PDLIM1: variants seen among roughly 807,000 people sequenced by gnomAD.
PDLIM1 encodes the protein PDZ and LIM domain protein 1.
Under a neutral mutation model 35.2 loss-of-function variants are expected in PDLIM1, and 25 were observed. The observed-to-expected ratio is 0.71, with a 90% CI of 0.52 to 0.99. The LOEUF is 0.99. Ranked by LOEUF, PDLIM1 falls within the 50% of genes least tolerant of loss-of-function variation. The pLI is 0.00. For missense variants in PDLIM1, 363 were observed against 415.3 expected (o/e 0.87, Z 1.09); for synonymous variants, 152 against 154.0 (o/e 0.99, Z 0.10).
At chr10:95,288,554 GT>G (rs11385391) in intron 1 of PDLIM1, among the ~76,000 whole-genome samples, 1 of 149,074 alleles carries the variant, frequency 6.7e-6, no homozygotes, top group East Asian at 2.0e-4. Flanking sequence ...CACTGCAGAG[GT>G]TTTTTTTTTT....
rs377514992 is a variant in PDLIM1 at position 95,247,318 on chromosome 10, A to T, written c.582T>A (p.Ser194=). ...PPSSLVIDKE[S]EVYKMLQEKQ... The stretch of plus-strand genomic sequence containing the variant: ...TCTCCTGAAGCATCTTGTAAACTTC[A>T]GATTCTTTGTCGATGACAAGGCTGC... The change falls in exon 5 of 7, where the codon TCT becomes TCA. Residue 194 remains serine, a synonymous_variant. Coordinates refer to ENST00000329399, the MANE Select transcript of PDLIM1 (RefSeq NM_020992.4). 1.3e-5 allele frequency: 21 copies of T among 1,613,956 alleles called. No homozygotes were observed. The highest frequency in any genetic ancestry group is 1.6e-5 in the Non-Finnish European group (19 of 1,179,910).
intron 1 of PDLIM1, among the ~76,000 whole-genome samples, chr10:95,276,545 T>C (rs909329468): frequency 3.3e-5 from 5 of 152,222 alleles, no homozygotes. Context: ...TCTTGAATGG[T>C]GGATTCCAAT....
At chr10:95,245,994 C>G (rs534400476) in intron 5 of PDLIM1, among the ~76,000 whole-genome samples, 1 of 152,324 alleles carries the variant, frequency 6.6e-6, no homozygotes, top group East Asian at 1.9e-4. Context: ...CTGGCTGAGG[C>G]AGGTCTCACA....
intron 4 of PDLIM1, among the ~76,000 whole-genome samples, chr10:95,249,213 C>T (rs564165072): frequency 6.6e-6 from 1 of 152,338 alleles, no homozygotes; most frequent in South Asian, 2.1e-4. Flanking sequence ...CTGTGCTCCC[C>T]CTGTTCCTGC....
intron 4 of PDLIM1, among the ~76,000 whole-genome samples, chr10:95,256,206 TAAAC>T (rs2035309514): frequency 6.6e-6 from 1 of 151,996 alleles, no homozygotes; most frequent in Non-Finnish European, 1.5e-5. Flanking sequence ...AATGCACAAA[TAAAC>T]AAAAAGACAT....
At chr10:95,241,855 C>T (rs1032002920) in intron 5 of PDLIM1, among the ~76,000 whole-genome samples, 2 of 152,232 alleles carry the variant, frequency 1.3e-5, no homozygotes, top group Non-Finnish European at 2.9e-5. Context: ...AGCAGAGCCA[C>T]AGCTATCCGG....
chr10:95,276,220 A>AGGCT (rs892382419), intron 1 of PDLIM1, among the ~76,000 whole-genome samples: 2 of 152,180 alleles, frequency 1.3e-5, no homozygotes, highest in African/African-American at 2.4e-5. Flanking sequence ...TGAACTTGAA[A>AGGCT]GGCTCTCTCA....
chr10:95,270,828 G>T (rs1221637294), intron 2 of PDLIM1, among the ~76,000 whole-genome samples: 4 of 151,878 alleles, frequency 2.6e-5, no homozygotes, highest in African/African-American at 9.7e-5. Flanking sequence ...TCAGCTCACT[G>T]CAAACTCTGC....
intron 1 of PDLIM1, among the ~76,000 whole-genome samples, chr10:95,276,993 G>A (rs751718217): frequency 2.2e-4 from 33 of 149,736 alleles, no homozygotes; most frequent in Admixed American, 4.0e-4. Flanking sequence ...TAAGTGGCTC[G>A]CCTTGAGCTC....
chr10:95,248,373 T>C (rs1186971941), intron 4 of PDLIM1, among the ~76,000 whole-genome samples: 2 of 152,186 alleles, frequency 1.3e-5, no homozygotes, highest in African/African-American at 4.8e-5. Flanking sequence ...CTCGGCCTCC[T>C]GAGTGGCTAG....
chr10:95,280,468 T>G (rs45458497), intron 1 of PDLIM1, among the ~76,000 whole-genome samples: 1 of 152,186 alleles, frequency 6.6e-6, no homozygotes, highest in Non-Finnish European at 1.5e-5. Flanking sequence ...TTAAAAGTTA[T>G]GGAAAGCATG....
intron 4 of PDLIM1, among the ~76,000 whole-genome samples, chr10:95,263,116 G>C (rs1412278211): frequency 1.3e-5 from 2 of 149,920 alleles, no homozygotes; most frequent in African/African-American, 4.9e-5. Context: ...CTGTACTCCA[G>C]CCTGGGTGAC....
intron 3 of PDLIM1, among the ~76,000 whole-genome samples, chr10:95,265,773 A>G (rs938278155): frequency 2.0e-5 from 3 of 151,786 alleles, no homozygotes; most frequent in African/African-American, 7.3e-5. Context: ...ACAGTCAAGT[A>G]GCCTGTAGTC....
chr10:95,253,097 A>G (rs1389758112), intron 4 of PDLIM1, among the ~76,000 whole-genome samples: 1 of 152,200 alleles, frequency 6.6e-6, no homozygotes. Flanking sequence ...TCTGAAAACT[A>G]CAACAAAGAA....
At chr10:95,289,229 C>T (rs1190352626) in intron 1 of PDLIM1, among the ~76,000 whole-genome samples, 1 of 152,160 alleles carries the variant, frequency 6.6e-6, no homozygotes, top group African/African-American at 2.4e-5. Context: ...ATGAGGTAAG[C>T]GAGTTGAAAT....
Position 95,264,072 on chromosome 10 carries a change from A to G in PDLIM1, c.334-9T>C. On this transcript the variant is annotated splice_polypyrimidine_tract_variant and intron_variant, in intron 3 of 6. Coordinates refer to ENST00000329399, the MANE Select transcript of PDLIM1 (RefSeq NM_020992.4). The stretch of plus-strand genomic sequence containing the variant: ...CCTATGTGCAGGACCTCCTGCAGGC[A>G]GGGATCAGAGGAGAAATCAAGGGGG... The G allele has an allele frequency of 6.2e-6, 10 of 1,609,778 alleles. No homozygotes were observed. Among genetic ancestry groups the G allele is most frequent in the Non-Finnish European group, 8.5e-6 (10 of 1,176,914 alleles).
intron 5 of PDLIM1, among the ~76,000 whole-genome samples, chr10:95,242,508 G>A (rs761745201): frequency 1.2e-4 from 18 of 152,032 alleles, no homozygotes; most frequent in Non-Finnish European, 1.5e-4. Context: ...CCAACATGGT[G>A]AAACCCCATC....
chr10:95,242,983 T>TA (rs34436170), intron 5 of PDLIM1, among the ~76,000 whole-genome samples: 12,241 of 152,124 alleles, frequency 0.08, 649 homozygotes, highest in Middle Eastern at 0.16. Flanking sequence ...ATTTCACACT[T>TA]AAAGACCTGG....
rs559336216 is a variant in PDLIM1, at chr10:95,256,847, A to G, written c.533+7017T>C. ...AAAATTAGCCAGGAGTGGCAACGCAAGCCTGTAGTTCTAGATACTCAGGAG... is the reference window on the plus strand; with the variant it reads ...AAAATTAGCCAGGAGTGGCAACGCAGGCCTGTAGTTCTAGATACTCAGGAG... On this transcript the variant is annotated intron_variant, in intron 4 of 6. Transcript: ENST00000329399. Among the ~76,000 whole-genome samples, 4 of 151,902 alleles carry G rather than the reference A, an allele frequency of 2.6e-5. No individual in the cohort carries two copies. The South Asian group carries it at 8.3e-4, about 32-fold the overall frequency.
Sources: allele counts gnomAD v4.1 joint callset (sites outside exome capture counted in the v4.1 genomes callset), GRCh38; gene constraint gnomAD v4.1.1; transcripts MANE v1.5; gene names NCBI Gene and HGNC (gene_info 2026-07-23, HGNC 2026-07-21).